Variants in PIAS1 observed in about 807,000 individuals in gnomAD.
PIAS1 encodes the protein protein inhibitor of activated STAT 1.
A neutral mutation model predicts 71.3 loss-of-function variants in PIAS1; 6 were observed. The observed-to-expected ratio is 0.08, with a 90% CI of 0.05 to 0.17. The LOEUF (loss-of-function observed/expected upper bound fraction) is 0.17. Ranked by LOEUF, PIAS1 falls within the 10% of genes least tolerant of loss-of-function variation. PIAS1 has a pLI of 1.00. For missense variants in PIAS1, 555 were observed against 793.6 expected, an observed-to-expected ratio of 0.70 and a Z score of 3.61; for synonymous variants, 303 against 292.9, an observed-to-expected ratio of 1.03 and a Z score of -0.35.
chr15:68,118,763 C>G (rs937995769), intron 2 of PIAS1, among the ~76,000 whole-genome samples: 1 of 152,052 alleles, frequency 6.6e-6, no homozygotes, highest in Non-Finnish European at 1.5e-5. Context: ...TATCTGCTAG[C>G]CGTATGTATG....
intron 7 of PIAS1, among the ~76,000 whole-genome samples, chr15:68,162,809 C>G (rs533375736): frequency 6.6e-6 from 1 of 152,324 alleles, no homozygotes; most frequent in Admixed American, 6.5e-5. Context: ...CTCCTGGCCT[C>G]AAGCAATCCT....
intron 7 of PIAS1, among the ~76,000 whole-genome samples, chr15:68,160,445 G>A (rs1040145024): frequency 2.6e-5 from 4 of 152,042 alleles, no homozygotes; most frequent in African/African-American, 9.7e-5. Flanking sequence ...ATTTCCGGAC[G>A]TTATTCTTTT....
chr15:68,133,349 T>C (rs1163519474), intron 2 of PIAS1, among the ~76,000 whole-genome samples: 1 of 152,044 alleles, frequency 6.6e-6, no homozygotes, highest in Non-Finnish European at 1.5e-5. Flanking sequence ...CTCAAAATAA[T>C]TCATAGGTTT....
At chr15:68,175,994 T>G (rs1216967026) in intron 10 of PIAS1, among the ~76,000 whole-genome samples, 1 of 152,222 alleles carries the variant, frequency 6.6e-6, no homozygotes, top group Non-Finnish European at 1.5e-5. Flanking sequence ...TAATGTAATA[T>G]AATTAGTCAT....
At chr15:68,085,662 TCTC>T (rs994698793) in intron 1 of PIAS1, among the ~76,000 whole-genome samples, 2 of 152,172 alleles carry the variant, frequency 1.3e-5, no homozygotes, top group African/African-American at 4.8e-5. Flanking sequence ...TCTGAACTTG[TCTC>T]CTCATGTATA....
intron 1 of PIAS1, among the ~76,000 whole-genome samples, chr15:68,077,540 G>A (rs942962503): frequency 2.6e-5 from 4 of 152,202 alleles, no homozygotes; most frequent in Non-Finnish European, 4.4e-5. Flanking sequence ...GCTAATGTGG[G>A]CAGCTTTTAA....
chr15:68,123,382 T>C (rs73423768), intron 2 of PIAS1, among the ~76,000 whole-genome samples: 10 of 152,130 alleles, frequency 6.6e-5, no homozygotes, highest in Admixed American at 6.5e-4. Context: ...CTACATACCC[T>C]CTTACACACA....
At chr15:68,117,092 G>T (rs1029572979) in intron 2 of PIAS1, among the ~76,000 whole-genome samples, 10 of 151,960 alleles carry the variant, frequency 6.6e-5, no homozygotes, top group African/African-American at 2.4e-4. Context: ...TTTTGTTGCT[G>T]TTTCGTTTCT....
intron 2 of PIAS1, among the ~76,000 whole-genome samples, chr15:68,106,380 CAAAAG>C (rs1270706948): frequency 8.2e-6 from 1 of 122,498 alleles, no homozygotes; most frequent in Non-Finnish European, 1.8e-5. Context: ...AAAGAATAAA[CAAAAG>C]AAACACAAAC....
At chr15:68,184,756 T>A (rs547730493) in intron 13 of PIAS1, 3 of 153,180 alleles carry the variant, frequency 2.0e-5, no homozygotes, top group Non-Finnish European at 4.4e-5. Flanking sequence ...GAAAGGACTT[T>A]CATCCATAAA....
In PIAS1 at chr15:68,188,366, A is replaced by G. The variant is rs2093101499; in HGVS notation, c.*531A>G. On this transcript the variant is annotated 3_prime_UTR_variant, in exon 14 of 14. Coordinates refer to ENST00000249636, the MANE Select transcript of PIAS1 (RefSeq NM_016166.3). ...TATTTTATCCAGCCTTAAGTTATAA[A>G]GCTCATCTGTCCCGCTGCATTCCCT... 6.4e-6 allele frequency: 1 copy of G among 155,322 alleles called. No individual in the cohort carries two copies. Among genetic ancestry groups the G allele is most frequent in the African/African-American group, 2.4e-5 (1 of 41,442 alleles). The allele number at this position is 155,322 out of a possible 1,614,324, so 9.6% of individuals were successfully genotyped here. A position where few individuals can be genotyped will look rare whatever the true frequency, so the allele number is the denominator to read the frequency against.
intron 6 of PIAS1, among the ~76,000 whole-genome samples, chr15:68,151,938 A>C (rs2092849105): frequency 2.7e-5 from 1 of 37,320 alleles, no homozygotes; most frequent in African/African-American, 8.0e-5. Flanking sequence ...AAAATTTAGG[A>C]ATTTTTTTTT....
intron 1 of PIAS1, among the ~76,000 whole-genome samples, chr15:68,082,025 T>C (rs987486448): frequency 6.6e-6 from 1 of 152,046 alleles, no homozygotes; most frequent in South Asian, 2.1e-4. Flanking sequence ...ATGGGTCAGA[T>C]TGGTACTAGG....
At chr15:68,140,379 TC>T (rs1327714359) in intron 2 of PIAS1, among the ~76,000 whole-genome samples, 3 of 152,196 alleles carry the variant, frequency 2.0e-5, no homozygotes, top group Non-Finnish European at 1.5e-5. Context: ...TAGAGATACA[TC>T]CTCTAAGAAG....
intron 2 of PIAS1, among the ~76,000 whole-genome samples, chr15:68,138,462 CTTTA>C (rs575522469): frequency 4.9e-4 from 75 of 152,204 alleles, no homozygotes; most frequent in African/African-American, 9.6e-4. Flanking sequence ...AGTTCTGTCA[CTTTA>C]TTTATTTATT....
At chr15:68,159,648 G>A (rs1216280178) in intron 7 of PIAS1, among the ~76,000 whole-genome samples, 1 of 152,036 alleles carries the variant, frequency 6.6e-6, no homozygotes, top group Non-Finnish European at 1.5e-5. Flanking sequence ...CTTTATTGCT[G>A]CGTAGTATTT....
At chr15:68,124,369 A>G (rs1365905625) in intron 2 of PIAS1, among the ~76,000 whole-genome samples, 2 of 141,908 alleles carry the variant, frequency 1.4e-5, no homozygotes, top group African/African-American at 2.6e-5. Context: ...GACTTCCACT[A>G]TTTCTTGGGT....
Position 68,086,580 on chromosome 15 carries a change from A to G in PIAS1, c.299A>G (p.Asp100Gly), listed in dbSNP as rs2092284535. 1 of 1,613,894 alleles carries G rather than the reference A, an allele frequency of 6.2e-7. No individual in the cohort carries two copies. Residue 100 changes from aspartate to glycine, a missense_variant, in exon 2 of 14, where the codon GAT (aspartate) becomes GGT (glycine). By Grantham distance (94) the Asp-to-Gly change is moderately conservative. This residue lies in a region of PIAS1 where 80 missense variants were observed against 66.9 expected (regional missense o/e 1.20). Coordinates refer to ENST00000249636, the MANE Select transcript of PIAS1 (RefSeq NM_016166.3). This position sits in a 1 kb window ranked among gnomAD's most constrained non-coding sequence, Gnocchi z 7.2. ...TCTACCATTCCACAACTCACTTACG[A>G]TGGTCACCCTGCATCATCGCCATTA... ...SPSTIPQLTY[D>G]GHPASSPLLP...
intron 1 of PIAS1, among the ~76,000 whole-genome samples, chr15:68,082,234 C>T (rs1379289335): frequency 6.6e-6 from 1 of 152,030 alleles, no homozygotes; most frequent in African/African-American, 2.4e-5. Context: ...GGAAATACCC[C>T]ACTAAAAAGA....
Sources: gnomAD v4.1 joint callset for allele counts (sites outside exome capture counted in the v4.1 genomes callset) on GRCh38, gnomAD v4.1.1 for gene constraint, gnomAD v4.1.1 regional missense constraint, Gnocchi (gnomAD v3.1) non-coding constraint, MANE v1.5 for transcripts, NCBI Gene and HGNC (gene_info 2026-07-23, HGNC 2026-07-21) for gene names.